Variants in GRIP1 observed in about 807,000 individuals in gnomAD.
GRIP1 encodes glutamate receptor-interacting protein 1.
A neutral mutation model predicts 129.9 loss-of-function variants in GRIP1; 45 were observed. The observed-to-expected ratio is 0.35, with a 90% CI of 0.27 to 0.44. The LOEUF (loss-of-function observed/expected upper bound fraction) is 0.44. Ranked by LOEUF, GRIP1 falls within the 20% of genes least tolerant of loss-of-function variation. GRIP1 has a pLI of 1.00. For missense variants in GRIP1, 1,196 were observed against 1,396.8 expected (o/e 0.86, Z 2.29); for synonymous variants, 530 against 520.8 (o/e 1.02, Z -0.24).
intron 1 of GRIP1, among the ~76,000 whole-genome samples, chr12:66,742,169 T>C (rs1022792287): frequency 3.3e-5 from 5 of 152,154 alleles, no homozygotes; most frequent in African/African-American, 1.2e-4. Flanking sequence ...GAAAACTCCA[T>C]AAAGTTTCCT....
intron 2 of GRIP1, among the ~76,000 whole-genome samples, chr12:66,577,148 T>C (rs187253934): frequency 1.1e-3 from 162 of 152,258 alleles, no homozygotes; most frequent in African/African-American, 3.6e-3. Context: ...TTTTATCTGG[T>C]TTAAACAACA....
intron 1 of GRIP1, among the ~76,000 whole-genome samples, chr12:66,813,370 C>T (rs1186290744): frequency 6.6e-6 from 1 of 152,160 alleles, no homozygotes; most frequent in African/African-American, 2.4e-5. Context: ...GATCCAAGGA[C>T]CTCCACTAGG....
chr12:66,603,543 A>T (rs1408012875), intron 1 of GRIP1, among the ~76,000 whole-genome samples: 1 of 152,228 alleles, frequency 6.6e-6, no homozygotes, highest in African/African-American at 2.4e-5. Flanking sequence ...ATGCACGTTC[A>T]TGTTTGGAAA....
chr12:66,428,012 G>A (rs2058038586), intron 14 of GRIP1, among the ~76,000 whole-genome samples: 1 of 152,144 alleles, frequency 6.6e-6, no homozygotes, highest in Non-Finnish European at 1.5e-5. Flanking sequence ...GGGAGTTCAA[G>A]TCTTAAGCAT....
At position 66,528,871 on chromosome 12, in the gene GRIP1, G is replaced by C. The variant is rs180761595; in HGVS notation, c.502+960C>G. Among the ~76,000 whole-genome samples the C allele has an allele frequency of 4.2e-3, 645 of 152,184 alleles. 3 individuals are homozygous for C. Among genetic ancestry groups the C allele is most frequent in the Non-Finnish European group, 7.5e-3 (512 of 68,020 alleles). On this transcript the variant is annotated intron_variant, in intron 5 of 24. Coordinates refer to ENST00000359742, the MANE Select transcript of GRIP1 (RefSeq NM_001366722.1). The stretch of plus-strand genomic sequence containing the variant: ...GATTTTTCTAACCCAGAGAGTGAGA[G>C]AAAATCTTTACAACCAATACATCCA...
intron 1 of GRIP1, among the ~76,000 whole-genome samples, chr12:66,868,498 C>T (rs866355052): frequency 5.9e-5 from 9 of 151,798 alleles, no homozygotes; most frequent in Admixed American, 1.3e-4. Flanking sequence ...AGAATGTTAC[C>T]CACAGAGACA....
chr12:66,599,761 C>G (rs1202194076), intron 1 of GRIP1, among the ~76,000 whole-genome samples: 1 of 152,106 alleles, frequency 6.6e-6, no homozygotes, highest in Non-Finnish European at 1.5e-5. Context: ...AGATATATCC[C>G]TAGAATTTCA....
chr12:66,420,191 T>C (rs1041134567), intron 15 of GRIP1, among the ~76,000 whole-genome samples: 1 of 152,184 alleles, frequency 6.6e-6, no homozygotes, highest in African/African-American at 2.4e-5. Flanking sequence ...AGAAAGTTAA[T>C]GGTCTTATAT....
intron 5 of GRIP1, among the ~76,000 whole-genome samples, chr12:66,525,014 GCT>G (rs2061171829): frequency 6.6e-6 from 1 of 152,084 alleles, no homozygotes; most frequent in Non-Finnish European, 1.5e-5. Flanking sequence ...CCAATAACAG[GCT>G]CTGAAATTGT....
intron 1 of GRIP1, among the ~76,000 whole-genome samples, chr12:66,786,002 G>A (rs1344567679): frequency 6.6e-6 from 1 of 152,188 alleles, no homozygotes; most frequent in Non-Finnish European, 1.5e-5. Context: ...AGGATTGCTT[G>A]AGCCCAGGAG....
intron 1 of GRIP1, among the ~76,000 whole-genome samples, chr12:66,706,870 G>A (rs2035547190): frequency 6.6e-6 from 1 of 151,978 alleles, no homozygotes; most frequent in Non-Finnish European, 1.5e-5. Context: ...CTATTGGTGG[G>A]TGGTGGCTGA....
chr12:66,485,600 T>C (rs563987576), intron 7 of GRIP1, among the ~76,000 whole-genome samples: 36 of 152,176 alleles, frequency 2.4e-4, no homozygotes, highest in African/African-American at 7.9e-4. Context: ...ATTATGGTTA[T>C]ACTTTATATG....
intron 1 of GRIP1, among the ~76,000 whole-genome samples, chr12:66,714,622 GGC>G (rs2035812228): frequency 6.6e-6 from 1 of 151,806 alleles, no homozygotes; most frequent in South Asian, 2.1e-4. Flanking sequence ...AAATAATCAT[GGC>G]ATTTTCATGC....
At chr12:66,682,026 A>G (rs2034603869), upstream of GRIP1, among the ~76,000 whole-genome samples, 1 of 152,162 alleles carries the variant, frequency 6.6e-6, no homozygotes, top group South Asian at 2.1e-4. Context: ...TTTTTCATCA[A>G]AGTCATTCAG....
chr12:66,845,726 G>C (rs1198838753), intron 1 of GRIP1, among the ~76,000 whole-genome samples: 1 of 152,068 alleles, frequency 6.6e-6, no homozygotes, highest in Admixed American at 6.5e-5. Flanking sequence ...CTTTATACTA[G>C]CTGAGTATAA....
At chr12:66,730,986 A>C (rs1471027919) in intron 1 of GRIP1, among the ~76,000 whole-genome samples, 9 of 152,174 alleles carry the variant, frequency 5.9e-5, no homozygotes, top group African/African-American at 2.2e-4. Flanking sequence ...ACCTTAAAAT[A>C]AAAGCTGTTT....
intron 1 of GRIP1, among the ~76,000 whole-genome samples, chr12:66,870,733 G>A (rs2040281680): frequency 6.6e-6 from 1 of 152,102 alleles, no homozygotes; most frequent in South Asian, 2.1e-4. Flanking sequence ...ACACTGGAAA[G>A]ACTGGTACAT....
chr12:66,916,618 A>G (rs1566077594), intron 1 of GRIP1, among the ~76,000 whole-genome samples: 1 of 152,212 alleles, frequency 6.6e-6, no homozygotes, highest in Non-Finnish European at 1.5e-5. Flanking sequence ...ATCTACCATT[A>G]CTTCAAAATC....
At position 66,604,423 on chromosome 12, in the gene GRIP1, T is replaced by G. The variant is rs941501937; in HGVS notation, c.56-7496A>C. 2.0e-5 allele frequency among the ~76,000 whole-genome samples: 3 copies of G among 152,218 alleles called. No homozygotes were observed. In the East Asian group the frequency reaches 5.8e-4, roughly 29 times the overall value. ...TTTCCAGCAAGGACAGCTGAACCAG[T>G]CTGTTAATGGCAGTCACAGACCTGC... On this transcript the variant is annotated intron_variant, in intron 1 of 24. Coordinates refer to ENST00000359742, the MANE Select transcript of GRIP1 (RefSeq NM_001366722.1).
Sources: gnomAD v4.1 joint callset for allele counts (sites outside exome capture counted in the v4.1 genomes callset) on GRCh38, gnomAD v4.1.1 for gene constraint, MANE v1.5 for transcripts, NCBI Gene and HGNC (gene_info 2026-07-23, HGNC 2026-07-21) for gene names.